Variants in DTWD1 observed in about 807,000 individuals in gnomAD.
DTWD1 encodes the protein DTW motif tRNA-uridine aminocarboxypropyltransferase 1.
In DTWD1, 27 loss-of-function variants were observed where a neutral mutation model predicts 30.2. The observed-to-expected ratio is 0.90, with a 90% CI of 0.66 to 1.23. The LOEUF (loss-of-function observed/expected upper bound fraction) is 1.23. DTWD1 is among the 50% of genes most tolerant of loss of function. The pLI, the probability that DTWD1 is intolerant of heterozygous loss-of-function variation, is 0.00. For missense variants in DTWD1, 342 were observed against 348.8 expected (o/e 0.98, Z 0.15); for synonymous variants, 99 against 113.1 (o/e 0.88, Z 0.79).
chr15:49,634,253 A>T (rs28568399), intron 3 of DTWD1, among the ~76,000 whole-genome samples: 27,893 of 152,088 alleles, frequency 0.18, 3,143 homozygotes, highest in Non-Finnish European at 0.25. Flanking sequence ...GAAAAATTAT[A>T]TAATTTAGTC....
Position 49,646,091 on chromosome 15 carries a change from C to A in DTWD1, c.*2513C>A, listed in dbSNP as rs1264502690. 6.6e-6 allele frequency: 1 copy of A among 152,206 alleles called. No homozygotes were observed. Among genetic ancestry groups the A allele is most frequent in the Non-Finnish European group, 1.5e-5 (1 of 68,046 alleles). The allele number at this position is 152,206 out of a possible 1,614,324, so 9.4% of individuals were successfully genotyped here. A position where few individuals can be genotyped will look rare whatever the true frequency, so the allele number is the denominator to read the frequency against. On this transcript the variant is annotated 3_prime_UTR_variant, in exon 5 of 5. Coordinates refer to ENST00000403028, the MANE Select transcript of DTWD1 (RefSeq NM_001144955.2). Reference sequence around the variant, plus strand: ...GCATGGCTGAGTTAGCCTGCTGGAGCATGAGACTCCATGGAACAGAGCCAG... The same window carrying A: ...GCATGGCTGAGTTAGCCTGCTGGAGAATGAGACTCCATGGAACAGAGCCAG...
intron 4 of DTWD1, 71 bp downstream of exon 4, chr15:49,634,865 T>A: frequency 1.4e-6 from 2 of 1,432,928 alleles, no homozygotes; most frequent in Non-Finnish European, 1.9e-6. Context: ...AACTTACAGA[T>A]AATTTGAAAG....
chr15:49,631,059 G>T (rs1413729954), intron 2 of DTWD1: 1 of 428,392 alleles, frequency 2.3e-6, no homozygotes, highest in East Asian at 7.4e-5. Context: ...TTACATTATG[G>T]TGAGTTGTAT....
In DTWD1 at chr15:49,643,473, C is replaced by T; in HGVS notation, c.810C>T (p.Tyr270=). ...DYHTDILKEK[Y]RGQYDNLLFF... is the part of the protein sequence containing the mutation. ...ATACTGATATATTAAAAGAGAAATA[C>T]AGAGGGCAATATGACAATCTTTTAT... Residue 270 remains tyrosine (Y), a synonymous_variant, in exon 5 of 5, where the codon TAC becomes TAT. Transcript: ENST00000403028. 2 of 1,609,524 alleles carry T rather than the reference C, an allele frequency of 1.2e-6. No homozygotes were observed. The highest frequency in any genetic ancestry group is 1.7e-6 in the Non-Finnish European group (2 of 1,177,734).
In DTWD1 at chr15:49,641,934, G is replaced by A. The variant is rs148566101; in HGVS notation, c.668-1397G>A. Among the ~76,000 whole-genome samples, 164 of 152,028 alleles carry A rather than the reference G, an allele frequency of 1.1e-3. 1 individual carries two copies. Among genetic ancestry groups the A allele is most frequent in the African/African-American group, 3.9e-3 (162 of 41,516 alleles). On this transcript the variant is annotated intron_variant, in intron 4 of 4. Transcript: ENST00000403028. ...TGATTTGTTTATATTTATCCTGCTC[G>A]AGACACATGATGTTTCATGTATCTG...
At position 49,643,306 on chromosome 15, in the gene DTWD1, C is replaced by CTTTTTTTTT. The variant is rs5812490; in HGVS notation, c.668-14_668-6dup. On this transcript the variant is annotated intron_variant, in intron 4 of 4. Transcript: ENST00000403028. The stretch of plus-strand genomic sequence containing the variant: ...ATTTATATTTTTTCTTTCTTTCTTT[C>CTTTTTTTTT]TTTTTTTTTTTTTTTTTTTGACAGG... 2.0e-4 allele frequency: 237 copies of CTTTTTTTTT among 1,201,802 alleles called. 1 individual carries two copies. The highest frequency in any genetic ancestry group is 9.1e-4 in the South Asian group (43 of 47,216). 74.4% of individuals were successfully genotyped at this position (1,201,802 alleles called of 1,614,324 possible). A position where few individuals can be genotyped will look rare whatever the true frequency, so the allele number is the denominator to read the frequency against.
rs1374977743 is a variant in DTWD1 at position 49,653,512 on chromosome 15, A to G, written c.*9934A>G. ...AATTGTGTTGCTTAAGCACACTATAATACATGTGGCAAGAAGCTGCCAGCT... is the reference window on the plus strand; with the variant it reads ...AATTGTGTTGCTTAAGCACACTATAGTACATGTGGCAAGAAGCTGCCAGCT... On this transcript the variant is annotated 3_prime_UTR_variant, in exon 5 of 5. Coordinates refer to ENST00000403028, the MANE Select transcript of DTWD1 (RefSeq NM_001144955.2). The G allele has an allele frequency of 1.3e-5, 2 of 152,176 alleles. No individual in the cohort carries two copies. Among genetic ancestry groups the G allele is most frequent in the Admixed American group, 6.6e-5 (1 of 15,260 alleles). 9.4% of individuals were successfully genotyped at this position (152,176 alleles called of 1,614,324 possible). A position where few individuals can be genotyped will look rare whatever the true frequency, so the allele number is the denominator to read the frequency against.
chr15:49,637,177 A>G (rs546581846), intron 4 of DTWD1, among the ~76,000 whole-genome samples: 1 of 151,942 alleles, frequency 6.6e-6, no homozygotes, highest in Admixed American at 6.6e-5. Context: ...TTTTGAGATC[A>G]TTATGATCTT....
At position 49,643,698 on chromosome 15, in the gene DTWD1, C is replaced by T. The variant is rs1005936097; in HGVS notation, c.*120C>T. On this transcript the variant is annotated 3_prime_UTR_variant, in exon 5 of 5. Coordinates refer to ENST00000403028, the MANE Select transcript of DTWD1 (RefSeq NM_001144955.2). The stretch of plus-strand genomic sequence containing the variant: ...CCTGTAAGACCATTTGAAAAAATTC[C>T]AGTTTCATATATATCACTTCATATT... 1 of 1,076,474 alleles carries T rather than the reference C, an allele frequency of 9.3e-7. No homozygotes were observed. The highest frequency in any genetic ancestry group is 3.1e-4 in the Middle Eastern group (1 of 3,176). The allele number at this position is 1,076,474 out of a possible 1,614,324, so 66.7% of individuals were successfully genotyped here. A position where few individuals can be genotyped will look rare whatever the true frequency, so the allele number is the denominator to read the frequency against.
At chr15:49,636,441 AACTG>A (rs2079004059) in intron 4 of DTWD1, among the ~76,000 whole-genome samples, 1 of 152,160 alleles carries the variant, frequency 6.6e-6, no homozygotes. Flanking sequence ...AAATTTCCCT[AACTG>A]ACCCAAAAAT....
Position 49,645,767 on chromosome 15 carries a change from C to T in DTWD1, c.*2189C>T, listed in dbSNP as rs1038947542. The T allele has an allele frequency of 6.6e-6, 1 of 152,058 alleles. No individual in the cohort carries two copies. Among genetic ancestry groups the T allele is most frequent in the Non-Finnish European group, 1.5e-5 (1 of 68,006 alleles). The allele number at this position is 152,058 out of a possible 1,614,324, so 9.4% of individuals were successfully genotyped here. On this transcript the variant is annotated 3_prime_UTR_variant, in exon 5 of 5. Transcript: ENST00000403028. ...AGATGACCCACGTACTTCATAAGAG[C>T]CTAATTTACAGCTAAGGCCAGATAA... is the stretch of plus-strand genomic sequence containing the variant.
rs1311092328 is a variant in DTWD1 at position 49,645,270 on chromosome 15, T to G, written c.*1692T>G. 6.6e-6 allele frequency: 1 copy of G among 152,036 alleles called. No homozygotes were observed. Among genetic ancestry groups the G allele is most frequent in the Non-Finnish European group, 1.5e-5 (1 of 67,990 alleles). The allele number at this position is 152,036 out of a possible 1,614,324, so 9.4% of individuals were successfully genotyped here. ...ATGGGGCAACTGAGAATTAAAGAGG[T>G]AAGTAAATTATTGATAGATCATACA... On this transcript the variant is annotated 3_prime_UTR_variant, in exon 5 of 5. Transcript: ENST00000403028.
chr15:49,627,003 T>C (rs16962670), intron 2 of DTWD1: 13,640 of 206,174 alleles, frequency 0.066, 1,452 homozygotes, highest in African/African-American at 0.25. Context: ...CTCATAGCCA[T>C]GTAAAGAAGG....
chr15:49,642,277 T>G (rs1344165365), intron 4 of DTWD1, among the ~76,000 whole-genome samples: 1 of 152,122 alleles, frequency 6.6e-6, no homozygotes, highest in East Asian at 1.9e-4. Flanking sequence ...AAACAAAAAA[T>G]TAAATATAGT....
chr15:49,649,851 AG>A lies in DTWD1; in HGVS notation c.*6275del, dbSNP rs1765743225. On this transcript the variant is annotated 3_prime_UTR_variant, in exon 5 of 5. Transcript: ENST00000403028. ...CATACTATGTGTCAAATTATTGTCT[AG>A]GTGATGGCTATAGCATGCCGAGGTA... The A allele has an allele frequency of 6.6e-6, 1 of 152,190 alleles. No individual in the cohort carries two copies. Among genetic ancestry groups the A allele is most frequent in the African/African-American group, 2.4e-5 (1 of 41,456 alleles). 9.4% of individuals were successfully genotyped at this position (152,190 alleles called of 1,614,324 possible).
intron 1 of DTWD1, among the ~76,000 whole-genome samples, chr15:49,623,174 A>T (rs529563920): frequency 3.9e-4 from 60 of 152,212 alleles, no homozygotes; most frequent in African/African-American, 1.4e-3. Flanking sequence ...CTAAATAGCT[A>T]CTCCATTACC....
rs1411702201 is a variant in DTWD1 at position 49,655,375 on chromosome 15, G to T, written c.*11797G>T. ...CGTTAGTAGAAGAGGGGGTAAGAAA[G>T]AAAGACTTATGAAGAAAAGACCTGT... On this transcript the variant is annotated 3_prime_UTR_variant, in exon 5 of 5. Coordinates refer to ENST00000403028, the MANE Select transcript of DTWD1 (RefSeq NM_001144955.2). 6.6e-6 allele frequency: 1 copy of T among 152,012 alleles called. No homozygotes were observed. The allele number at this position is 152,012 out of a possible 1,614,324, so 9.4% of individuals were successfully genotyped here. A position where few individuals can be genotyped will look rare whatever the true frequency, so the allele number is the denominator to read the frequency against.
In DTWD1 at chr15:49,644,236, CT is replaced by C. The variant is rs2079099460; in HGVS notation, c.*659del. 1 of 152,148 alleles carries C rather than the reference CT, an allele frequency of 6.6e-6. No individual in the cohort carries two copies. Among genetic ancestry groups the C allele is most frequent in the Non-Finnish European group, 1.5e-5 (1 of 68,026 alleles). 9.4% of individuals were successfully genotyped at this position (152,148 alleles called of 1,614,324 possible). A position where few individuals can be genotyped will look rare whatever the true frequency, so the allele number is the denominator to read the frequency against. ...ATATCTAAGGGGCTTTCAGCAGTAC[CT>C]GAAATATAGTAAGTGTTACATATAT... On this transcript the variant is annotated 3_prime_UTR_variant, in exon 5 of 5. Coordinates refer to ENST00000403028, the MANE Select transcript of DTWD1 (RefSeq NM_001144955.2).
At chr15:49,640,644 C>G (rs1292655837) in intron 4 of DTWD1, among the ~76,000 whole-genome samples, 1 of 151,952 alleles carries the variant, frequency 6.6e-6, no homozygotes, top group Non-Finnish European at 1.5e-5. Flanking sequence ...AAAATGGTGT[C>G]TCATTGTCAT....
Sources: allele counts gnomAD v4.1 joint callset (sites outside exome capture counted in the v4.1 genomes callset), GRCh38; gene constraint gnomAD v4.1.1; transcripts MANE v1.5; gene names NCBI Gene and HGNC (gene_info 2026-07-23, HGNC 2026-07-21).